The following CSPG4 variants were observed in gnomAD, a reference collection of about 807,000 sequenced individuals.
The protein encoded by CSPG4 is chondroitin sulfate proteoglycan 4, also known as chondroitin sulfate proteoglycan 4 (melanoma-associated).
In CSPG4, 74 loss-of-function variants were observed where a neutral mutation model predicts 139.3. The ratio of observed to expected loss-of-function variants is 0.53; its 90% CI spans 0.44 to 0.64. The LOEUF is 0.64. Among genes scored for constraint, CSPG4 ranks in the 30% least tolerant of loss-of-function variants. The pLI, the probability that CSPG4 is intolerant of heterozygous loss-of-function variation, is 0.00. For missense variants in CSPG4, 2,565 were observed against 3,148.3 expected, an observed-to-expected ratio of 0.81 and a Z score of 4.43; for synonymous variants, 1,234 against 1,394.2, an observed-to-expected ratio of 0.89 and a Z score of 2.56.
At chr15:75,705,925 GTGTGTCTGTGTGCA>G (rs1894365111) in intron 1 of CSPG4, among the ~76,000 whole-genome samples, 1 of 152,014 alleles carries the variant, frequency 6.6e-6, no homozygotes, top group South Asian at 2.1e-4. Context: ...GTGTGCGTAT[GTGTGTCTGTGTGCA>G]TGTGTCTGTG....
Position 75,690,326 on chromosome 15 carries a change from G to C in CSPG4, c.739C>G (p.Arg247Gly). The C allele has an allele frequency of 6.2e-7, 1 of 1,612,542 alleles. No homozygotes were observed. The change falls in exon 3 of 10, where the codon CGT (arginine) becomes GGT (glycine). Residue 247 changes from arginine to glycine, a missense_variant. Arg to Gly is a moderately radical substitution (Grantham distance 125, BLOSUM62 -2). Transcript: ENST00000308508. ...ATGTCCACATAGATGAAGTCCCCAC[G>C]CCGGCCCCCTGCCTGGAAGGCCAAG... ...APLAFQAGGR[R>G]GDFIYVDIFE... is the part of the protein sequence containing the mutation.
chr15:75,690,784 A>T lies in CSPG4; in HGVS notation c.281T>A (p.Leu94Gln), dbSNP rs1894155346. The change falls in exon 3 of 10, where the codon CTG (leucine) becomes CAG (glutamine). Residue 94 changes from leucine (L) to glutamine (Q), a missense_variant. Leu to Gln is a moderately radical substitution (Grantham distance 113). Coordinates refer to ENST00000308508, the MANE Select transcript of CSPG4 (RefSeq NM_001897.5). ...CGTCTCTGCTGGAGTCTGCAGCCTC[A>T]GCTCCTCCTGGCCCAGAACAAGTCT... Reference protein sequence around the residue: ...QVRLVLGQEELRLQTPAETLL... With the variant: ...QVRLVLGQEEQRLQTPAETLL... 6 of 1,612,116 alleles carry T rather than the reference A, an allele frequency of 3.7e-6. No individual in the cohort carries two copies. The highest frequency in any genetic ancestry group is 5.1e-6 in the Non-Finnish European group (6 of 1,179,234).
intron 1 of CSPG4, among the ~76,000 whole-genome samples, chr15:75,695,135 A>C (rs2141433760): frequency 6.6e-6 from 1 of 152,270 alleles, no homozygotes; most frequent in South Asian, 2.1e-4. Flanking sequence ...AAGAAAGCCC[A>C]TTGCTAAACA....
intron 2 of CSPG4, among the ~76,000 whole-genome samples, chr15:75,692,623 C>A (rs1400987286): frequency 1.3e-5 from 2 of 152,198 alleles, no homozygotes; most frequent in Non-Finnish European, 1.5e-5. Flanking sequence ...GCAGTGCCAC[C>A]GGGATGCACA....
chr15:75,688,387 A>G lies in CSPG4; in HGVS notation c.2678T>C (p.Ile893Thr), dbSNP rs1483500179. ...FSPLYTFPIH[I>T]GGDPDAPVLT... ...GACAGGCGCATCTGGGTCACCACCA[A>G]TGTGGATGGGGAAGGTATAGAGTGG... The change falls in exon 3 of 10, where the codon ATT (isoleucine) becomes ACT (threonine). Residue 893 changes from isoleucine to threonine, a missense_variant. Coordinates refer to ENST00000308508, the MANE Select transcript of CSPG4 (RefSeq NM_001897.5). 3.1e-6 allele frequency: 5 copies of G among 1,613,378 alleles called. No individual in the cohort carries two copies. Among genetic ancestry groups the G allele is most frequent in the Admixed American group, 3.3e-5 (2 of 60,026 alleles).
At chr15:75,693,875 G>C (rs765712610) in intron 1 of CSPG4, among the ~76,000 whole-genome samples, 16 of 152,206 alleles carry the variant, frequency 1.1e-4, no homozygotes, top group Non-Finnish European at 1.9e-4. Context: ...ATTGAGCGTC[G>C]GGGCAGGAGC....
At chr15:75,681,478 C>T (rs536463711) in intron 8 of CSPG4, among the ~76,000 whole-genome samples, 2 of 152,206 alleles carry the variant, frequency 1.3e-5, no homozygotes, top group South Asian at 4.1e-4. Context: ...CTCTGCGCCC[C>T]ACAAGACCAC....
In CSPG4 at chr15:75,677,121, A is replaced by G. The variant is rs2141420873; in HGVS notation, c.5398T>C (p.Phe1800Leu). 7.1e-7 allele frequency: 1 copy of G among 1,411,486 alleles called. No individual in the cohort carries two copies. Among genetic ancestry groups the G allele is most frequent in the Non-Finnish European group, 9.3e-7 (1 of 1,078,900 alleles). 87.4% of individuals were successfully genotyped at this position (1,411,486 alleles called of 1,614,324 possible). A position where few individuals can be genotyped will look rare whatever the true frequency, so the allele number is the denominator to read the frequency against. ...GCTGGCCCCTGGAGGTGGGCACGAA[A>G]GTGGAAGCCATCCTGCTGGGTGCCC... ...GGGTQQDGFH[F>L]RAHLQGPAGA... Residue 1800 changes from phenylalanine to leucine, a missense_variant, in exon 10 of 10, where the codon TTT (phenylalanine) becomes CTT (leucine). Transcript: ENST00000308508.
chr15:75,676,969 G>T lies in CSPG4; in HGVS notation c.5550C>A (p.Pro1850=), dbSNP rs901096407. The T allele has an allele frequency of 1.3e-6, 2 of 1,490,406 alleles. No individual in the cohort carries two copies. The highest frequency in any genetic ancestry group is 1.8e-6 in the Non-Finnish European group (2 of 1,115,742). 92.3% of individuals were successfully genotyped at this position (1,490,406 alleles called of 1,614,324 possible). A position where few individuals can be genotyped will look rare whatever the true frequency, so the allele number is the denominator to read the frequency against. Residue 1850 remains proline (P), a synonymous_variant, in exon 10 of 10, where the codon CCC becomes CCA. Coordinates refer to ENST00000308508, the MANE Select transcript of CSPG4 (RefSeq NM_001897.5). ...PLRLTRGSRA[P]ISRAQLSVVD... Reference sequence around the variant, plus strand: ...CCACACTCAGCTGGGCCCGGGAGATGGGGGCACGAGAGCCTCGGGTGAGCC... The same window carrying T: ...CCACACTCAGCTGGGCCCGGGAGATTGGGGCACGAGAGCCTCGGGTGAGCC...
intron 5 of CSPG4, among the ~76,000 whole-genome samples, chr15:75,683,948 A>G (rs1894016743): frequency 6.6e-6 from 1 of 152,162 alleles, no homozygotes; most frequent in African/African-American, 2.4e-5. Flanking sequence ...CTGTGGTTCC[A>G]GAGCACTGTG....
chr15:75,711,538 C>T (rs1029009960), intron 1 of CSPG4, among the ~76,000 whole-genome samples: 4 of 152,278 alleles, frequency 2.6e-5, no homozygotes, highest in African/African-American at 9.6e-5. Context: ...GAACAGGGAG[C>T]CTGGAGATCC....
chr15:75,677,859 G>A lies in CSPG4; in HGVS notation c.4978C>T (p.His1660Tyr), dbSNP rs1223310180. The change falls in exon 9 of 10, where the codon CAT (histidine) becomes TAT (tyrosine). Residue 1660 changes from histidine (H) to tyrosine (Y), a missense_variant. Coordinates refer to ENST00000308508, the MANE Select transcript of CSPG4 (RefSeq NM_001897.5). ...EVYAGNILYE[H>Y]EMPPEPFWEA... ...CAAAAGGGCTCGGGGGGCATCTCAT[G>A]CTCATACAGAATATTCCCAGCGTAG... 1.2e-6 allele frequency: 2 copies of A among 1,612,492 alleles called. No individual in the cohort carries two copies. The highest frequency in any genetic ancestry group is 3.3e-5 in the Admixed American group (2 of 59,752).
rs1473306148 is a variant in CSPG4, at chr15:75,688,620, G to A, written c.2445C>T (p.Gly815=). Residue 815 remains glycine (G), a synonymous_variant, in exon 3 of 10, where the codon GGC becomes GGT. Transcript: ENST00000308508. ...CATAATGGAAGGTTGGGGGGCTTGG[G>A]CCTGCCTCCTCCAGGGTGGCCTCCA... ...AHLEATLEEA[G]PSPPTFHYEV... is the part of the protein sequence containing the mutation. 2 of 1,612,642 alleles carry A rather than the reference G, an allele frequency of 1.2e-6. No individual in the cohort carries two copies. The highest frequency in any genetic ancestry group is 2.7e-5 in the African/African-American group (2 of 74,916).
chr15:75,697,591 C>T (rs966048017), intron 1 of CSPG4, among the ~76,000 whole-genome samples: 2 of 152,222 alleles, frequency 1.3e-5, no homozygotes, highest in Admixed American at 1.3e-4. Flanking sequence ...TCCCTGTGTG[C>T]CCCACTCCCG....
chr15:75,682,537 C>A, intron 7 of CSPG4, 70 bp downstream of exon 7: 1 of 1,595,188 alleles, frequency 6.3e-7, no homozygotes, highest in Non-Finnish European at 8.5e-7. Flanking sequence ...GGCAGCGTGA[C>A]CCTGGCATGC....
chr15:75,699,090 T>A (rs1409894520), intron 1 of CSPG4, among the ~76,000 whole-genome samples: 1 of 152,158 alleles, frequency 6.6e-6, no homozygotes. Flanking sequence ...TGCCTGCTCC[T>A]CTCCTGTCCC....
chr15:75,685,341 C>A lies in CSPG4; in HGVS notation c.4150G>T (p.Gly1384Trp). The part of the protein sequence containing the change: ...TLAPPLLRVS[G>W]PYFPTLLGLS... ...CCCAGGAGAGTGGGGAAGTAGGGCC[C>A]GGAGACACGGAGCAGTGGAGGGGCC... Residue 1384 changes from glycine to tryptophan, a missense_variant, in exon 4 of 10, where the codon GGG (glycine) becomes TGG (tryptophan). Physicochemically the swap from Gly to Trp is radical, Grantham distance 184 (BLOSUM62 -2). Around this residue, in one of 5 missense-constraint regions of CSPG4, gnomAD observed 2,316 missense variants for 2,818.2 expected, o/e 0.82. Transcript: ENST00000308508. 2 of 1,608,128 alleles carry A rather than the reference C, an allele frequency of 1.2e-6. No individual in the cohort carries two copies. Among genetic ancestry groups the A allele is most frequent in the South Asian group, 1.1e-5 (1 of 90,584 alleles).
chr15:75,684,340 A>C (rs562102446), intron 5 of CSPG4, among the ~76,000 whole-genome samples: 9 of 152,288 alleles, frequency 5.9e-5, no homozygotes, highest in African/African-American at 2.2e-4. Context: ...CTTGTGCAGG[A>C]GTTTGGGGAG....
Position 75,689,061 on chromosome 15 carries a change from G to A in CSPG4, c.2004C>T (p.Ser668=), listed in dbSNP as rs1025641149. Residue 668 remains serine, a synonymous_variant, in exon 3 of 10, where the codon AGC becomes AGT. Coordinates refer to ENST00000308508, the MANE Select transcript of CSPG4 (RefSeq NM_001897.5). The stretch of plus-strand genomic sequence containing the variant: ...AGCCTTGGGCCAGTCGCAACCCTGT[G>A]CTGCGGTGGATCTGTATGGCCGGCC... ...AIRPAIQIHR[S]TGLRLAQGSA... is the part of the protein sequence containing the mutation. 6.2e-7 allele frequency: 1 copy of A among 1,610,546 alleles called. No homozygotes were observed. Among genetic ancestry groups the A allele is most frequent in the African/African-American group, 1.3e-5 (1 of 74,902 alleles).
Sources: allele counts gnomAD v4.1 joint callset (sites outside exome capture counted in the v4.1 genomes callset), GRCh38; gene constraint gnomAD v4.1.1; regional missense constraint gnomAD v4.1.1; transcripts MANE v1.5; gene names NCBI Gene and HGNC (gene_info 2026-07-23, HGNC 2026-07-21).